TSTD2: variants seen among roughly 807,000 people sequenced by gnomAD.
TSTD2 encodes thiosulfate sulfurtransferase like domain containing 2.
Under a neutral mutation model 47.9 loss-of-function variants are expected in TSTD2, and 37 were observed. The observed-to-expected ratio is 0.77, with a 90% CI of 0.59 to 1.02. TSTD2 has a LOEUF of 1.02. Ranked by LOEUF, TSTD2 falls within the 50% of genes least tolerant of loss-of-function variation. The probability of loss-of-function intolerance (pLI) is 0.00; values close to 1 mark genes in which losing one functional copy is unlikely to be tolerated. For synonymous variants in TSTD2, 201 were observed against 215.9 expected, an observed-to-expected ratio of 0.93 and a Z score of 0.61; for missense variants, 586 against 616.0, an observed-to-expected ratio of 0.95 and a Z score of 0.52.
chr9:97,601,780 T>G lies in TSTD2; in HGVS notation c.*689A>C, dbSNP rs1040971082. On this transcript the variant is annotated 3_prime_UTR_variant, in exon 10 of 10. Transcript: ENST00000341170. ...TGAACTGCATGGCTGCACTTATATA[T>G]GGATTTTTTTCAACCATACAGGTTG... The G allele has an allele frequency of 5.8e-6, 1 of 173,912 alleles. No individual in the cohort carries two copies. Among genetic ancestry groups the G allele is most frequent in the African/African-American group, 2.4e-5 (1 of 41,864 alleles). The allele number at this position is 173,912 out of a possible 1,614,324, so 10.8% of individuals were successfully genotyped here.
Position 97,601,540 on chromosome 9 carries a change from C to T in TSTD2, c.*929G>A. On this transcript the variant is annotated 3_prime_UTR_variant, in exon 10 of 10. Transcript: ENST00000341170. ...AACCAACAGAAAATGAAGAAGGCCACATCTTTAAGGCCACCTCTGCCTCTA... is the reference window on the plus strand; with the variant it reads ...AACCAACAGAAAATGAAGAAGGCCATATCTTTAAGGCCACCTCTGCCTCTA... 1 of 990,408 alleles carries T rather than the reference C, an allele frequency of 1.0e-6. No homozygotes were observed. The highest frequency in any genetic ancestry group is 1.2e-6 in the Non-Finnish European group (1 of 833,028). 61.4% of individuals were successfully genotyped at this position (990,408 alleles called of 1,614,324 possible). A position where few individuals can be genotyped will look rare whatever the true frequency, so the allele number is the denominator to read the frequency against.
Position 97,600,569 on chromosome 9 carries a change from A to G in TSTD2, c.*1900T>C. ...AATGGCTTATGTGAGGTAAGACACT[A>G]GAGGGATAAATTTCCAGATCAACAT... On this transcript the variant is annotated 3_prime_UTR_variant, in exon 10 of 10. Transcript: ENST00000341170. 1.0e-6 allele frequency: 1 copy of G among 986,406 alleles called. No individual in the cohort carries two copies. Among genetic ancestry groups the G allele is most frequent in the Non-Finnish European group, 1.2e-6 (1 of 830,654 alleles). 61.1% of individuals were successfully genotyped at this position (986,406 alleles called of 1,614,324 possible). A position where few individuals can be genotyped will look rare whatever the true frequency, so the allele number is the denominator to read the frequency against.
chr9:97,624,079 A>C (rs922379861), intron 3 of TSTD2, among the ~76,000 whole-genome samples: 2 of 151,924 alleles, frequency 1.3e-5, no homozygotes, highest in Admixed American at 6.6e-5. Context: ...AAAAGTAACA[A>C]CTCTGAGGTA....
intron 4 of TSTD2, among the ~76,000 whole-genome samples, chr9:97,611,902 G>T (rs1826467617): frequency 6.6e-6 from 1 of 152,132 alleles, no homozygotes; most frequent in Non-Finnish European, 1.5e-5. Context: ...ACAAGTGCAG[G>T]TTTGCTCTGC....
At position 97,600,492 on chromosome 9, in the gene TSTD2, A is replaced by G; in HGVS notation, c.*1977T>C. On this transcript the variant is annotated 3_prime_UTR_variant, in exon 10 of 10. Transcript: ENST00000341170. ...ATGCCAACCTTATGATGGATGTGAA[A>G]ATCTACGGCCAAATACTTTTGAAAA... 1 of 985,622 alleles carries G rather than the reference A, an allele frequency of 1.0e-6. No individual in the cohort carries two copies. Among genetic ancestry groups the G allele is most frequent in the Non-Finnish European group, 1.2e-6 (1 of 830,098 alleles). The allele number at this position is 985,622 out of a possible 1,614,324, so 61.1% of individuals were successfully genotyped here. A position where few individuals can be genotyped will look rare whatever the true frequency, so the allele number is the denominator to read the frequency against.
At position 97,603,102 on chromosome 9, in the gene TSTD2, C is replaced by A. The variant is rs940179278; in HGVS notation, c.1253-335G>T. On this transcript the variant is annotated intron_variant, in intron 9 of 9. Transcript: ENST00000341170. ...CCAAAGCTGGCCAACTACCTCCCAA[C>A]CCCCTTGTTAAGTGGTCTTTTCCTC... The A allele has an allele frequency of 2.0e-5, 5 of 246,170 alleles. No individual in the cohort carries two copies. In the East Asian group the frequency reaches 3.3e-4, roughly 16 times the overall value. The allele number at this position is 246,170 out of a possible 1,614,324, so 15.2% of individuals were successfully genotyped here. A position where few individuals can be genotyped will look rare whatever the true frequency, so the allele number is the denominator to read the frequency against.
Position 97,604,775 on chromosome 9 carries a change from C to A in TSTD2, c.1204G>T (p.Val402Phe). 6.2e-7 allele frequency: 1 copy of A among 1,614,166 alleles called. No individual in the cohort carries two copies. Among genetic ancestry groups the A allele is most frequent in the East Asian group, 2.2e-5 (1 of 44,888 alleles). The change falls in exon 9 of 10, where the codon GTT (valine) becomes TTT (phenylalanine). Residue 402 changes from valine (V) to phenylalanine (F), a missense_variant. By Grantham distance (50) the Val-to-Phe change is conservative. Transcript: ENST00000341170. ...PDGFYKGKLFVFDERYALSYN... is the reference protein window; with the variant it reads ...PDGFYKGKLFFFDERYALSYN... ...GACAGAGCATAGCGTTCATCAAAAA[C>A]AAACAACTTCCCTTTGTAAAAGCCA... is the stretch of plus-strand genomic sequence containing the variant.
At chr9:97,628,787 G>A (rs1232661522) in intron 1 of TSTD2, among the ~76,000 whole-genome samples, 4 of 152,130 alleles carry the variant, frequency 2.6e-5, no homozygotes, top group Non-Finnish European at 4.4e-5. Flanking sequence ...AGATGCTCAC[G>A]CTGAGGAGAC....
chr9:97,619,403 C>A (rs1826595543), intron 3 of TSTD2, among the ~76,000 whole-genome samples: 1 of 152,340 alleles, frequency 6.6e-6, no homozygotes, highest in Non-Finnish European at 1.5e-5. Flanking sequence ...CAAGACCAAT[C>A]CCTCTTTCTC....
chr9:97,606,029 G>T, intron 7 of TSTD2, 114 bp downstream of exon 7: 1 of 806,248 alleles, frequency 1.2e-6, no homozygotes, highest in Admixed American at 2.2e-5. Context: ...AGTACTGGGA[G>T]GAGATCCATG....
At chr9:97,613,164 T>A (rs1307773955) in intron 4 of TSTD2, among the ~76,000 whole-genome samples, 1 of 152,170 alleles carries the variant, frequency 6.6e-6, no homozygotes, top group East Asian at 1.9e-4. Flanking sequence ...AAAAGGGAAC[T>A]AAAGAGCACC....
At position 97,617,800 on chromosome 9, in the gene TSTD2, G is replaced by C; in HGVS notation, c.560C>G (p.Ala187Gly). ...GTGCTGACACAGAGCTGTCTGCCAG[G>C]CACAGATCCATTGGGGATCCTCCAG... ...HDLEDPQWIC[A>G]WQTALCQHLH... is the part of the protein sequence containing the mutation. The change falls in exon 4 of 10, where the codon GCC becomes GGC. Residue 187 changes from alanine (A) to glycine (G), a missense_variant. Physicochemically the swap from Ala to Gly is moderately conservative, Grantham distance 60 (BLOSUM62 0). Coordinates refer to ENST00000341170, the MANE Select transcript of TSTD2 (RefSeq NM_139246.5). 6.2e-7 allele frequency: 1 copy of C among 1,614,118 alleles called. No homozygotes were observed. Among genetic ancestry groups the C allele is most frequent in the Non-Finnish European group, 8.5e-7 (1 of 1,180,012 alleles).
intron 4 of TSTD2, among the ~76,000 whole-genome samples, chr9:97,612,237 C>T (rs1826471938): frequency 6.6e-6 from 1 of 152,178 alleles, no homozygotes; most frequent in African/African-American, 2.4e-5. Flanking sequence ...TTTCTTTATC[C>T]AGTTTATCAC....
intron 7 of TSTD2, 114 bp from the exon 8 acceptor site, chr9:97,605,755 T>G (rs187974745): frequency 7.4e-7 from 1 of 1,349,532 alleles, no homozygotes; most frequent in East Asian, 2.4e-5. Flanking sequence ...TGCCAGTTGC[T>G]AATCTCATCC....
At chr9:97,616,384 A>C (rs573325611) in intron 4 of TSTD2, among the ~76,000 whole-genome samples, 4 of 152,176 alleles carry the variant, frequency 2.6e-5, no homozygotes, top group African/African-American at 7.2e-5. Context: ...TTGAGGAGGG[A>C]GTGATGTGAT....
intron 4 of TSTD2, among the ~76,000 whole-genome samples, chr9:97,612,394 T>C (rs548245671): frequency 1.3e-5 from 2 of 152,388 alleles, no homozygotes; most frequent in South Asian, 4.1e-4. Context: ...ATGATAGTTC[T>C]GTCTTTAGGT....
At chr9:97,624,100 C>A (rs1826680677) in intron 3 of TSTD2, among the ~76,000 whole-genome samples, 1 of 152,128 alleles carries the variant, frequency 6.6e-6, no homozygotes, top group African/African-American at 2.4e-5. Context: ...TGGTGCCCAG[C>A]CTCCAAGATG....
intron 9 of TSTD2, among the ~76,000 whole-genome samples, chr9:97,603,791 C>T (rs1826315875): frequency 6.6e-6 from 1 of 152,126 alleles, no homozygotes; most frequent in Non-Finnish European, 1.5e-5. Flanking sequence ...CCTCAACCTC[C>T]CGGGCTCAAG....
Position 97,602,508 on chromosome 9 carries a change from T to C in TSTD2, c.1512A>G (p.Pro504=). ...QHVRQPVSPE[P]GPDADEDGPV... The stretch of plus-strand genomic sequence containing the variant: ...GCCCATCCTCATCAGCATCAGGCCC[T>C]GGCTCTGGGCTCACAGGCTGTCGCA... The change falls in exon 10 of 10, where the codon CCA becomes CCG. Residue 504 remains proline, a synonymous_variant. Transcript: ENST00000341170. 1 of 1,613,682 alleles carries C rather than the reference T, an allele frequency of 6.2e-7. No homozygotes were observed. Among genetic ancestry groups the C allele is most frequent in the Non-Finnish European group, 8.5e-7 (1 of 1,179,716 alleles).
Sources: gnomAD v4.1 joint callset for allele counts (sites outside exome capture counted in the v4.1 genomes callset) on GRCh38, gnomAD v4.1.1 for gene constraint, MANE v1.5 for transcripts, NCBI Gene and HGNC (gene_info 2026-07-23, HGNC 2026-07-21) for gene names.